SLIT3: variants seen among roughly 807,000 people sequenced by gnomAD.
SLIT3 encodes the protein slit homolog 3 protein.
SLIT3 carries 68 observed loss-of-function variants against 184.0 expected under a neutral mutation model. The observed-to-expected ratio is 0.37, with a 90% CI of 0.30 to 0.45. The LOEUF (loss-of-function observed/expected upper bound fraction) is 0.45, where lower values mean the gene tolerates loss of function less well. Among genes scored for constraint, SLIT3 ranks in the 20% least tolerant of loss-of-function variants. The pLI is 1.00. For synonymous variants in SLIT3, 831 were observed against 828.6 expected (o/e 1.00, Z -0.05); for missense variants, 1,707 against 2,026.0 (o/e 0.84, Z 3.02).
At chr5:169,044,355 T>C (rs1047454881) in intron 4 of SLIT3, among the ~76,000 whole-genome samples, 1 of 152,158 alleles carries the variant, frequency 6.6e-6, no homozygotes, top group Admixed American at 6.6e-5. Flanking sequence ...CACAGCAGCA[T>C]TATTCATGAT....
intron 4 of SLIT3, among the ~76,000 whole-genome samples, chr5:169,139,825 A>T (rs1434875144): frequency 6.6e-6 from 1 of 152,158 alleles, no homozygotes; most frequent in Non-Finnish European, 1.5e-5. Context: ...GCCAAAACAG[A>T]ATGCCGCTGA....
chr5:169,150,967 T>G (rs1436018797), intron 4 of SLIT3, among the ~76,000 whole-genome samples: 1 of 152,172 alleles, frequency 6.6e-6, no homozygotes, highest in Non-Finnish European at 1.5e-5. Flanking sequence ...AAACCTTTTC[T>G]GACCCTAAGA....
intron 4 of SLIT3, among the ~76,000 whole-genome samples, chr5:169,067,263 AG>A (rs1758385792): frequency 6.6e-6 from 1 of 152,028 alleles, no homozygotes; most frequent in Non-Finnish European, 1.5e-5. Context: ...TACAAAAATT[AG>A]GCATGGTGGC....
intron 32 of SLIT3, among the ~76,000 whole-genome samples, chr5:168,676,838 A>G (rs1363781617): frequency 6.6e-6 from 1 of 152,114 alleles, no homozygotes; most frequent in Non-Finnish European, 1.5e-5. Flanking sequence ...CATTACAGAC[A>G]CACACACACA....
intron 1 of SLIT3, among the ~76,000 whole-genome samples, chr5:169,288,204 T>C (rs897705208): frequency 6.6e-6 from 1 of 152,202 alleles, no homozygotes; most frequent in African/African-American, 2.4e-5. Context: ...TGTCAGTGTT[T>C]ATGAAATGCT....
intron 6 of SLIT3, among the ~76,000 whole-genome samples, chr5:168,833,026 T>G (rs1757929203): frequency 6.6e-6 from 1 of 152,222 alleles, no homozygotes; most frequent in Admixed American, 6.5e-5. Flanking sequence ...CAGCCACCAG[T>G]GATGAATTAT....
chr5:168,998,075 G>C (rs1269547436), intron 4 of SLIT3, among the ~76,000 whole-genome samples: 3 of 152,008 alleles, frequency 2.0e-5, no homozygotes, highest in African/African-American at 7.3e-5. Context: ...AATAAACTGT[G>C]GGAGTCACTT....
intron 4 of SLIT3, among the ~76,000 whole-genome samples, chr5:168,926,390 G>C (rs541757345): frequency 6.6e-6 from 1 of 152,304 alleles, no homozygotes; most frequent in East Asian, 1.9e-4. Context: ...TTCAATTAGA[G>C]GGACTGCAGT....
intron 4 of SLIT3, among the ~76,000 whole-genome samples, chr5:169,150,307 T>A (rs1026312171): frequency 3.9e-5 from 6 of 152,144 alleles, no homozygotes; most frequent in African/African-American, 1.4e-4. Context: ...CTTGTGTGCT[T>A]GCCATGATCT....
chr5:169,122,013 C>T (rs760175499), intron 4 of SLIT3, among the ~76,000 whole-genome samples: 2 of 152,242 alleles, frequency 1.3e-5, no homozygotes, highest in Non-Finnish European at 2.9e-5. Context: ...GCTCCTTTTA[C>T]CATCCCCCAA....
intron 3 of SLIT3, among the ~76,000 whole-genome samples, chr5:169,195,429 A>T (rs297840): frequency 0.034 from 5,228 of 152,300 alleles, 323 homozygotes; most frequent in African/African-American, 0.12. Flanking sequence ...TGGGCAGGGA[A>T]GCCATCCACG....
At chr5:168,752,875 A>G in intron 18 of SLIT3, 80 bp downstream of exon 18, 1 of 1,379,786 alleles carries the variant, frequency 7.2e-7, no homozygotes, top group Non-Finnish European at 1.0e-6. Context: ...GCCTGGCTAG[A>G]GGTAGCAGGG....
At position 169,148,915 on chromosome 5, in the gene SLIT3, T is replaced by C. The variant is rs189824332; in HGVS notation, c.413+44564A>G. 1.9e-4 allele frequency among the ~76,000 whole-genome samples: 29 copies of C among 152,326 alleles called. No individual in the cohort carries two copies. In the East Asian group the frequency reaches 2.9e-3, roughly 15 times the overall value. On this transcript the variant is annotated intron_variant, in intron 4 of 35. Transcript: ENST00000519560. ...AAAAAATCACAATACCTGCCATTTA[T>C]TGGAAAACCTTATCCCAGACGCTGT...
chr5:168,756,741 C>G (rs191168605), intron 16 of SLIT3, among the ~76,000 whole-genome samples: 1 of 152,102 alleles, frequency 6.6e-6, no homozygotes, highest in Non-Finnish European at 1.5e-5. Context: ...ATAAGTCACC[C>G]GAATGCCAGA....
intron 4 of SLIT3, among the ~76,000 whole-genome samples, chr5:169,153,517 C>T (rs565648526): frequency 6.6e-6 from 1 of 152,314 alleles, no homozygotes; most frequent in South Asian, 2.1e-4. Flanking sequence ...TGCTGTCTTA[C>T]TCTCTCTACA....
At chr5:168,900,296 CAAAAG>C (rs758283520) in intron 4 of SLIT3, among the ~76,000 whole-genome samples, 36 of 152,054 alleles carry the variant, frequency 2.4e-4, no homozygotes, top group Non-Finnish European at 4.1e-4. Flanking sequence ...GGTATCTACC[CAAAAG>C]AAAAGAAATT....
intron 6 of SLIT3, among the ~76,000 whole-genome samples, 159 bp downstream of exon 6, chr5:168,844,425 C>A (rs1262337874): frequency 6.6e-6 from 1 of 152,138 alleles, no homozygotes; most frequent in African/African-American, 2.4e-5. Flanking sequence ...CGGAGGGATC[C>A]CCTGGTTCCC....
intron 4 of SLIT3, among the ~76,000 whole-genome samples, chr5:168,921,244 T>G (rs1266674789): frequency 1.3e-5 from 2 of 152,192 alleles, no homozygotes; most frequent in Non-Finnish European, 2.9e-5. Flanking sequence ...AAAAAAATGC[T>G]TATAATCCCA....
intron 4 of SLIT3, among the ~76,000 whole-genome samples, chr5:169,086,716 G>A (rs906451940): frequency 1.3e-5 from 2 of 152,130 alleles, no homozygotes; most frequent in African/African-American, 4.8e-5. Flanking sequence ...TTGGTAACGT[G>A]GGTCAAGAGT....
Sources: gnomAD v4.1 joint callset for allele counts (sites outside exome capture counted in the v4.1 genomes callset) on GRCh38, gnomAD v4.1.1 for gene constraint, MANE v1.5 for transcripts, NCBI Gene and HGNC (gene_info 2026-07-23, HGNC 2026-07-21) for gene names.